The following CYFIP1 variants were observed in gnomAD, a reference collection of about 807,000 sequenced individuals.
CYFIP1 encodes cytoplasmic FMR1 interacting protein 1, also known as cytoplasmic FMR1-interacting protein 1.
Under a neutral mutation model 163.5 loss-of-function variants are expected in CYFIP1, and 58 were observed. The ratio of observed to expected loss-of-function variants is 0.35; its 90% CI spans 0.29 to 0.44. The LOEUF (loss-of-function observed/expected upper bound fraction) is 0.44. Ranked by LOEUF, CYFIP1 falls within the 20% of genes least tolerant of loss-of-function variation. CYFIP1 has a pLI of 1.00. For synonymous variants in CYFIP1, 663 were observed against 660.7 expected, an observed-to-expected ratio of 1.00 and a Z score of -0.05; for missense variants, 1,338 against 1,653.8, an observed-to-expected ratio of 0.81 and a Z score of 3.31.
intron 11 of CYFIP1, among the ~76,000 whole-genome samples, 172 bp downstream of exon 11, chr15:22,932,051 A>C (rs1470058996): frequency 6.6e-6 from 1 of 152,216 alleles, no homozygotes; most frequent in Non-Finnish European, 1.5e-5. Flanking sequence ...ACGTTCCCAC[A>C]ATGATGAAAC....
intron 28 of CYFIP1, 115 bp from the exon 29 acceptor site, chr15:22,873,844 T>A (rs2059505034): frequency 1.1e-6 from 1 of 930,884 alleles, no homozygotes; most frequent in Non-Finnish European, 1.7e-6. Context: ...TAGGCTGGAG[T>A]GCAGTGGCAC....
In CYFIP1 at chr15:22,925,491, C is replaced by T. The variant is rs556152122; in HGVS notation, c.1359+491G>A. Among the ~76,000 whole-genome samples, 7 of 152,282 alleles carry T rather than the reference C, an allele frequency of 4.6e-5. No homozygotes were observed. The South Asian group carries it at 1.5e-3, about 32-fold the overall frequency. ...TGAATTTCGCATCTCAGTGTGAAAG[C>T]AGAGTGAAGTATCCAGAAAGCAATG... On this transcript the variant is annotated intron_variant, in intron 13 of 30. Transcript: ENST00000617928.
intron 17 of CYFIP1, among the ~76,000 whole-genome samples, chr15:22,912,819 G>T (rs1221993688): frequency 6.6e-6 from 1 of 152,160 alleles, no homozygotes; most frequent in Non-Finnish European, 1.5e-5. Flanking sequence ...TACTTGGGAG[G>T]CTGAGGTAGA....
In CYFIP1 at chr15:22,964,348, A is replaced by ATCAC. The variant is rs201856418; in HGVS notation, c.-7+15935_-7+15938dup. Among the ~76,000 whole-genome samples, 30 of 48,186 alleles carry ATCAC rather than the reference A, an allele frequency of 6.2e-4. No homozygotes were observed. The East Asian group carries it at 6.3e-3, about 10-fold the overall frequency. The allele number at this position is 48,186 out of a possible 152,430, so 31.6% of individuals were successfully genotyped here. A position where few individuals can be genotyped will look rare whatever the true frequency, so the allele number is the denominator to read the frequency against. On this transcript the variant is annotated intron_variant, in intron 1 of 30. Transcript: ENST00000617928. ...CCCCACCAGCAGACTCCGCAACCTC[A>ATCAC]TCACTCACACACACACACACACACA...
chr15:22,904,231 C>T (rs888277598), intron 21 of CYFIP1: 76 of 416,352 alleles, frequency 1.8e-4, no homozygotes, highest in Non-Finnish European at 9.0e-5. Flanking sequence ...CCGGCCCTGC[C>T]CTGCAGTATA....
intron 11 of CYFIP1, among the ~76,000 whole-genome samples, chr15:22,928,545 CT>C (rs1171807061): frequency 1.3e-5 from 2 of 152,214 alleles, no homozygotes; most frequent in Non-Finnish European, 2.9e-5. Flanking sequence ...CAGCCACCGC[CT>C]GGGGGACCGC....
At chr15:22,950,024 A>G (rs1360821350) in intron 1 of CYFIP1, among the ~76,000 whole-genome samples, 2 of 152,208 alleles carry the variant, frequency 1.3e-5, no homozygotes, top group South Asian at 2.1e-4. Flanking sequence ...AATAGATAAC[A>G]TATAATTTAG....
chr15:22,949,332 G>A (rs2062171011), intron 1 of CYFIP1, among the ~76,000 whole-genome samples: 3 of 151,976 alleles, frequency 2.0e-5, no homozygotes. Context: ...AAAGCGGGGA[G>A]GTGCCAACTT....
chr15:22,930,402 A>AAAAAAAC (rs2061501878), intron 11 of CYFIP1, among the ~76,000 whole-genome samples: 5 of 147,724 alleles, frequency 3.4e-5, no homozygotes, highest in African/African-American at 1.0e-4. Flanking sequence ...AAAAAAAAAA[A>AAAAAAAC]AAAAAAAAAA....
intron 1 of CYFIP1, among the ~76,000 whole-genome samples, chr15:22,954,082 A>G (rs2062356521): frequency 6.7e-6 from 1 of 150,290 alleles, no homozygotes; most frequent in African/African-American, 2.4e-5. Context: ...AACAAAAACA[A>G]TAGGATCGCA....
intron 23 of CYFIP1, among the ~76,000 whole-genome samples, chr15:22,885,612 A>G (rs555714363): frequency 6.6e-6 from 1 of 152,198 alleles, no homozygotes; most frequent in South Asian, 2.1e-4. Flanking sequence ...GGGCACCTGT[A>G]ATCCCAGCTA....
intron 21 of CYFIP1, among the ~76,000 whole-genome samples, chr15:22,905,909 C>T (rs1376073407): frequency 1.4e-4 from 21 of 150,520 alleles, no homozygotes; most frequent in Non-Finnish European, 2.4e-4. Context: ...TACAGGTGCC[C>T]GCCACCACAC....
intron 21 of CYFIP1, chr15:22,904,485 C>G (rs77902423): frequency 0.026 from 4,117 of 159,342 alleles, 203 homozygotes; most frequent in African/African-American, 0.094. Flanking sequence ...ATTTCAAAGA[C>G]TGAGTAGGAC....
intron 23 of CYFIP1, among the ~76,000 whole-genome samples, chr15:22,892,048 G>A (rs552703865): frequency 3.9e-5 from 6 of 152,264 alleles, no homozygotes; most frequent in South Asian, 2.1e-4. Context: ...CGCAGAGCCC[G>A]GGGACACCGC....
chr15:22,894,547 C>T (rs990791167), intron 22 of CYFIP1, among the ~76,000 whole-genome samples: 28 of 151,438 alleles, frequency 1.8e-4, no homozygotes, highest in Non-Finnish European at 3.2e-4. Flanking sequence ...ACCTTGGCCT[C>T]CCGAAGTGCT....
At chr15:22,940,146 G>A (rs2061851010) in intron 6 of CYFIP1, among the ~76,000 whole-genome samples, 1 of 152,230 alleles carries the variant, frequency 6.6e-6, no homozygotes, top group African/African-American at 2.4e-5. Flanking sequence ...ATCTAGGACT[G>A]TCCCGCAAGA....
chr15:22,962,399 TTC>T lies in CYFIP1; in HGVS notation c.-6-15110_-6-15109del, dbSNP rs1491043556. 3.0e-5 allele frequency among the ~76,000 whole-genome samples: 4 copies of T among 134,678 alleles called. No individual in the cohort carries two copies. In the South Asian group the frequency reaches 9.4e-4, roughly 32 times the overall value. 88.4% of individuals were successfully genotyped at this position (134,678 alleles called of 152,430 possible). On this transcript the variant is annotated intron_variant, in intron 1 of 30. Coordinates refer to ENST00000617928, the MANE Select transcript of CYFIP1 (RefSeq NM_014608.6). ...TATCTCATCTATATTCTTCTTTTTT[TTC>T]TTTTTTTTTTTCTTGAGACGGAGTT...
intron 21 of CYFIP1, among the ~76,000 whole-genome samples, chr15:22,907,022 C>T (rs1159858634): frequency 6.6e-6 from 1 of 152,178 alleles, no homozygotes; most frequent in Non-Finnish European, 1.5e-5. Flanking sequence ...AGTAACAGCA[C>T]TGGCTCAAGC....
intron 1 of CYFIP1, among the ~76,000 whole-genome samples, chr15:22,950,668 C>G (rs2062219522): frequency 6.6e-6 from 1 of 152,256 alleles, no homozygotes; most frequent in Non-Finnish European, 1.5e-5. Context: ...ATGATAAACT[C>G]TCAGACCGTC....
Sources: gnomAD v4.1 joint callset for allele counts (sites outside exome capture counted in the v4.1 genomes callset) on GRCh38, gnomAD v4.1.1 for gene constraint, MANE v1.5 for transcripts, NCBI Gene and HGNC (gene_info 2026-07-23, HGNC 2026-07-21) for gene names.